Variants in BABAM2 observed in about 807,000 individuals in gnomAD.
BABAM2 encodes BRISC and BRCA1 A complex member 2.
BABAM2 carries 31 observed loss-of-function variants against 54.7 expected under a neutral mutation model. The ratio of observed to expected loss-of-function variants is 0.57; its 90% confidence interval spans 0.43 to 0.77. BABAM2 has a LOEUF of 0.77. Ranked by LOEUF, BABAM2 falls within the 30% of genes least tolerant of loss-of-function variation. The pLI, the probability that BABAM2 is intolerant of heterozygous loss-of-function variation, is 0.00. For missense variants in BABAM2, 364 were observed against 455.8 expected, an observed-to-expected ratio of 0.80 and a Z score of 1.83; for synonymous variants, 167 against 162.9, an observed-to-expected ratio of 1.03 and a Z score of -0.19.
At chr2:27,912,120 A>C (rs1274684839) in intron 2 of BABAM2, among the ~76,000 whole-genome samples, 1 of 152,230 alleles carries the variant, frequency 6.6e-6, no homozygotes, top group African/African-American at 2.4e-5. Context: ...AGAATGCTGA[A>C]CAATTACTAG....
At chr2:28,109,334 G>A (rs1006599677) in intron 6 of BABAM2, among the ~76,000 whole-genome samples, 1 of 151,646 alleles carries the variant, frequency 6.6e-6, no homozygotes, top group African/African-American at 2.4e-5. Flanking sequence ...GACTACAGGC[G>A]CCCGCCACCA....
At chr2:27,906,834 G>A (rs1666219620) in intron 2 of BABAM2, among the ~76,000 whole-genome samples, 1 of 152,068 alleles carries the variant, frequency 6.6e-6, no homozygotes, top group Non-Finnish European at 1.5e-5. Flanking sequence ...TTCCACTGTT[G>A]TCTTTTGTCC....
At chr2:28,193,650 A>G (rs941665499) in intron 7 of BABAM2, among the ~76,000 whole-genome samples, 7 of 152,226 alleles carry the variant, frequency 4.6e-5, no homozygotes, top group Non-Finnish European at 8.8e-5. Flanking sequence ...CCAAAGGTAT[A>G]TAATCTTTTC....
intron 4 of BABAM2, among the ~76,000 whole-genome samples, chr2:28,000,457 A>G (rs1025451157): frequency 3.3e-5 from 5 of 152,162 alleles, no homozygotes; most frequent in Non-Finnish European, 7.4e-5. Context: ...ATATCAAGTC[A>G]TATTGATAGC....
intron 3 of BABAM2, among the ~76,000 whole-genome samples, chr2:27,939,327 A>G (rs905718153): frequency 1.3e-5 from 2 of 152,328 alleles, no homozygotes; most frequent in African/African-American, 2.4e-5. Flanking sequence ...ATTTTATTTC[A>G]TAACTTAAGC....
intron 10 of BABAM2, among the ~76,000 whole-genome samples, chr2:28,250,595 G>GTTTT (rs1553350055): frequency 6.5e-5 from 9 of 139,248 alleles, no homozygotes; most frequent in Middle Eastern, 3.6e-3. Context: ...TTTTTTTTTT[G>GTTTT]TTTGTTTGTT....
intron 7 of BABAM2, among the ~76,000 whole-genome samples, chr2:28,149,616 C>T (rs144024466): frequency 6.1e-4 from 93 of 152,258 alleles, no homozygotes; most frequent in African/African-American, 1.7e-3. Context: ...TTCCAGGGCC[C>T]GGTTTTCCTG....
intron 6 of BABAM2, among the ~76,000 whole-genome samples, chr2:28,113,601 T>A (rs1342331087): frequency 6.6e-6 from 1 of 152,166 alleles, no homozygotes; most frequent in African/African-American, 2.4e-5. Flanking sequence ...CCAGCTCTGT[T>A]CTTTTTGCTT....
chr2:28,035,138 A>T (rs956672241), intron 5 of BABAM2, among the ~76,000 whole-genome samples: 1 of 152,260 alleles, frequency 6.6e-6, no homozygotes, highest in South Asian at 2.1e-4. Context: ...ATATATTGGG[A>T]TGTATTATTA....
rs555398066 is a variant in BABAM2, at chr2:28,116,626, T to C, written c.571-12645T>C. 2.0e-5 allele frequency among the ~76,000 whole-genome samples: 3 copies of C among 152,274 alleles called. No individual in the cohort carries two copies. In the East Asian group the frequency reaches 5.8e-4, roughly 29 times the overall value. Reference sequence around the variant, plus strand: ...TGGGAAGAATCGCTAAACTCCAGAATTCACAGCAACCTGGAGAGGAGAGGA... The same window carrying C: ...TGGGAAGAATCGCTAAACTCCAGAACTCACAGCAACCTGGAGAGGAGAGGA... On this transcript the variant is annotated intron_variant, in intron 6 of 11. Coordinates refer to ENST00000379624, the MANE Select transcript of BABAM2 (RefSeq NM_199191.3).
At chr2:28,176,554 A>G (rs1189662463) in intron 7 of BABAM2, among the ~76,000 whole-genome samples, 1 of 122,736 alleles carries the variant, frequency 8.1e-6, no homozygotes, top group Non-Finnish European at 1.6e-5. Flanking sequence ...TGGGCAACAC[A>G]GTGAGACTCT....
At chr2:28,050,184 G>C (rs927108373) in intron 6 of BABAM2, among the ~76,000 whole-genome samples, 6 of 152,152 alleles carry the variant, frequency 3.9e-5, no homozygotes, top group African/African-American at 7.2e-5. Flanking sequence ...GAATCTCAGG[G>C]CTTCTTGTTG....
intron 3 of BABAM2, among the ~76,000 whole-genome samples, chr2:27,984,342 T>A (rs1411028620): frequency 6.6e-6 from 1 of 152,140 alleles, no homozygotes. Flanking sequence ...ATGCTTGCTG[T>A]GTATATTTGA....
chr2:28,019,120 G>T (rs552611448), intron 4 of BABAM2, among the ~76,000 whole-genome samples: 2 of 152,112 alleles, frequency 1.3e-5, no homozygotes, highest in Admixed American at 6.5e-5. Context: ...CTGTTCCTCT[G>T]TTAGCTTTCT....
chr2:27,990,236 A>G (rs1439055437), intron 4 of BABAM2, among the ~76,000 whole-genome samples: 7 of 152,200 alleles, frequency 4.6e-5, no homozygotes, highest in Non-Finnish European at 8.8e-5. Context: ...GCGATGTCCA[A>G]ATAGTTCTGA....
At chr2:28,324,525 G>C (rs1167727461) in intron 11 of BABAM2, among the ~76,000 whole-genome samples, 1 of 151,952 alleles carries the variant, frequency 6.6e-6, no homozygotes, top group Non-Finnish European at 1.5e-5. Context: ...TATAATTTCA[G>C]AACTTTGGGA....
At chr2:28,096,237 GC>G (rs1666606791) in intron 6 of BABAM2, among the ~76,000 whole-genome samples, 1 of 152,158 alleles carries the variant, frequency 6.6e-6, no homozygotes, top group Non-Finnish European at 1.5e-5. Flanking sequence ...AGTTTGAATG[GC>G]TGACATCTGT....
intron 7 of BABAM2, among the ~76,000 whole-genome samples, chr2:28,164,567 T>A (rs1395902110): frequency 1.3e-5 from 2 of 152,052 alleles, no homozygotes; most frequent in Non-Finnish European, 2.9e-5. Flanking sequence ...ACACTAATTA[T>A]TCCCTTTTGC....
intron 6 of BABAM2, among the ~76,000 whole-genome samples, chr2:28,117,754 G>A (rs1379074990): frequency 6.6e-6 from 1 of 152,188 alleles, no homozygotes; most frequent in Non-Finnish European, 1.5e-5. Context: ...ATTAGGACAG[G>A]AAGCTCTTTG....
Sources: gnomAD v4.1 joint callset for allele counts (sites outside exome capture counted in the v4.1 genomes callset) on GRCh38, gnomAD v4.1.1 for gene constraint, MANE v1.5 for transcripts, NCBI Gene and HGNC (gene_info 2026-07-23, HGNC 2026-07-21) for gene names.